Variants in ATP2B4 observed in about 807,000 individuals in gnomAD.
ATP2B4 encodes plasma membrane calcium-transporting ATPase 4.
In ATP2B4, 39 loss-of-function variants were observed where a neutral mutation model predicts 110.3. The ratio of observed to expected loss-of-function variants is 0.35; its 90% CI spans 0.27 to 0.46. The LOEUF (loss-of-function observed/expected upper bound fraction) is 0.46, where lower values mean the gene tolerates loss of function less well. Among genes scored for constraint, ATP2B4 ranks in the 20% least tolerant of loss-of-function variants. ATP2B4 has a pLI of 1.00. For synonymous variants in ATP2B4, 538 were observed against 571.7 expected (o/e 0.94, Z 0.84); for missense variants, 1,135 against 1,530.9 (o/e 0.74, Z 4.32).
At chr1:203,661,464 T>C (rs1034006712) in intron 1 of ATP2B4, among the ~76,000 whole-genome samples, 8 of 152,182 alleles carry the variant, frequency 5.3e-5, no homozygotes, top group South Asian at 2.1e-4. Context: ...GGAGACTTAG[T>C]TCCCCATCTT....
chr1:203,668,144 TC>T (rs1053018278), intron 1 of ATP2B4, among the ~76,000 whole-genome samples: 1 of 152,168 alleles, frequency 6.6e-6, no homozygotes, highest in Non-Finnish European at 1.5e-5. Flanking sequence ...ATATGTCTAT[TC>T]CCCACCATGC....
At chr1:203,661,123 A>AG (rs896923225) in intron 1 of ATP2B4, among the ~76,000 whole-genome samples, 4 of 151,836 alleles carry the variant, frequency 2.6e-5, no homozygotes, top group Admixed American at 6.6e-5. Flanking sequence ...AAAAAAAAAA[A>AG]CTTTCCCAAG....
chr1:203,714,377 C>T (rs1666100524), intron 15 of ATP2B4, 100 bp downstream of exon 15: 1 of 1,263,788 alleles, frequency 7.9e-7, no homozygotes, highest in African/African-American at 1.5e-5. Flanking sequence ...CCTGCATAGC[C>T]CATGGGGTGC....
rs1251764606 is a variant in ATP2B4, at chr1:203,698,317, C to T, written c.354C>T (p.Val118=). Residue 118 remains valine (V), a synonymous_variant, in exon 3 of 21, where the codon GTC becomes GTT. Transcript: ENST00000357681. ...ILEIAAIISL[V]LSFYRPAGEE... Reference sequence around the variant, plus strand: ...AGATTGCAGCCATCATCTCCCTGGTCCTGTCCTTTTATCGCCCTGCTGGTG... The same window carrying T: ...AGATTGCAGCCATCATCTCCCTGGTTCTGTCCTTTTATCGCCCTGCTGGTG... The T allele has an allele frequency of 1.9e-6, 3 of 1,614,132 alleles. No individual in the cohort carries two copies. Among genetic ancestry groups the T allele is most frequent in the Non-Finnish European group, 2.5e-6 (3 of 1,180,020 alleles).
At chr1:203,724,865 C>CTCTTTTTTTTTTTTTTTTTT (rs1214526316) in intron 19 of ATP2B4, among the ~76,000 whole-genome samples, 2 of 101,454 alleles carry the variant, frequency 2.0e-5, no homozygotes, top group Non-Finnish European at 1.9e-5. Context: ...ATCCAGCTCT[C>CTCTTTTTTTTTTTTTTTTTT]TGTTTTTTTT....
rs1272021238 is a variant in ATP2B4, at chr1:203,740,512, C to T, written c.*658C>T. 1 of 149,314 alleles carries T rather than the reference C, an allele frequency of 6.7e-6. No homozygotes were observed. Among genetic ancestry groups the T allele is most frequent in the African/African-American group, 2.5e-5 (1 of 40,390 alleles). 9.2% of individuals were successfully genotyped at this position (149,314 alleles called of 1,614,324 possible). ...TGGATGAATTGTGTAAACTTAGATC[C>T]TTCTCCCTTTTGGCCCAAAAGAACC... On this transcript the variant is annotated 3_prime_UTR_variant, in exon 21 of 21. Transcript: ENST00000357681.
At chr1:203,711,236 T>C (rs1666000711) in intron 12 of ATP2B4, 128 bp downstream of exon 12, 6 of 799,810 alleles carry the variant, frequency 7.5e-6, no homozygotes, top group Non-Finnish European at 1.2e-5. Context: ...TGCTTCCTGC[T>C]TCACAGGACT....
At chr1:203,637,833 G>A (rs1203864926) in intron 1 of ATP2B4, among the ~76,000 whole-genome samples, 1 of 152,138 alleles carries the variant, frequency 6.6e-6, no homozygotes, top group African/African-American at 2.4e-5. Context: ...TTCCTATCTT[G>A]GGAGCTGAAG....
intron 2 of ATP2B4, among the ~76,000 whole-genome samples, chr1:203,697,209 G>A (rs1393346844): frequency 1.3e-5 from 2 of 152,172 alleles, no homozygotes; most frequent in Non-Finnish European, 2.9e-5. Context: ...TGCTTAAAGG[G>A]AATGCCCACA....
chr1:203,717,625 A>G (rs1390313576), intron 15 of ATP2B4, among the ~76,000 whole-genome samples: 1 of 86,710 alleles, frequency 1.2e-5, no homozygotes, highest in Non-Finnish European at 2.4e-5. Flanking sequence ...AATGGTATTT[A>G]TTTTATTTAT....
rs1665709511 is a variant in ATP2B4 at position 203,702,057 on chromosome 1, A to C, written c.915A>C (p.Gly305=). 6.2e-7 allele frequency: 1 copy of C among 1,614,018 alleles called. No individual in the cohort carries two copies. Among genetic ancestry groups the C allele is most frequent in the African/African-American group, 1.3e-5 (1 of 74,914 alleles). ...TTGTTCAAACAGGTAAAAAACAAGG[A>C]GTCCCTGAAAATCGCAACAAAGGTA... ...GEKKKKGKKQ[G]VPENRNKAKT... The change falls in exon 7 of 21, where the codon GGA becomes GGC. Residue 305 remains glycine, a synonymous_variant. Coordinates refer to ENST00000357681, the MANE Select transcript of ATP2B4 (RefSeq NM_001684.5).
chr1:203,711,466 G>A (rs1248936664), intron 12 of ATP2B4, among the ~76,000 whole-genome samples: 1 of 152,106 alleles, frequency 6.6e-6, no homozygotes, highest in Non-Finnish European at 1.5e-5. Context: ...GACACTAGGG[G>A]ATTGAAAAGT....
At chr1:203,667,344 G>A (rs1388122800) in intron 1 of ATP2B4, among the ~76,000 whole-genome samples, 2 of 152,186 alleles carry the variant, frequency 1.3e-5, no homozygotes, top group African/African-American at 4.8e-5. Flanking sequence ...CCTTCTACAA[G>A]TACATTAGCA....
intron 15 of ATP2B4, among the ~76,000 whole-genome samples, chr1:203,717,354 A>G (rs1666185841): frequency 6.6e-6 from 1 of 151,376 alleles, no homozygotes; most frequent in African/African-American, 2.4e-5. Context: ...CAATGAGTGG[A>G]TTTTTTTTTA....
intron 2 of ATP2B4, among the ~76,000 whole-genome samples, 173 bp downstream of exon 2, chr1:203,683,571 G>A (rs753282198): frequency 2.6e-5 from 4 of 151,654 alleles, no homozygotes; most frequent in Non-Finnish European, 4.4e-5. Flanking sequence ...ATGAAGAACT[G>A]TATCTTTCCC....
rs1296094757 is a variant in ATP2B4, at chr1:203,720,614, C to T, written c.2472C>T (p.Thr824=). The change falls in exon 16 of 21, where the codon ACC becomes ACT. Residue 824 remains threonine, a synonymous_variant. Coordinates refer to ENST00000357681, the MANE Select transcript of ATP2B4 (RefSeq NM_001684.5). ...TCATCCTAACAGATGACAACTTCAC[C>T]AGCATTGTGAAGGCAGTGATGTGGG... ...SDIILTDDNF[T]SIVKAVMWGR... 3.1e-6 allele frequency: 5 copies of T among 1,613,996 alleles called. No homozygotes were observed. The highest frequency in any genetic ancestry group is 4.2e-6 in the Non-Finnish European group (5 of 1,179,888).
chr1:203,710,798 G>T, intron 11 of ATP2B4, 79 bp from the exon 12 acceptor site: 5 of 1,150,870 alleles, frequency 4.3e-6, no homozygotes, highest in South Asian at 2.8e-5. Context: ...ATACAGAGTT[G>T]CCAAAATACC....
Position 203,727,398 on chromosome 1 carries a change from A to G in ATP2B4, c.3136A>G (p.Ile1046Val), listed in dbSNP as rs1666556580. 6.2e-7 allele frequency: 1 copy of G among 1,613,824 alleles called. No individual in the cohort carries two copies. The highest frequency in any genetic ancestry group is 1.3e-5 in the African/African-American group (1 of 74,994). Residue 1046 changes from isoleucine (I) to valine (V), a missense_variant, in exon 20 of 21, where the codon ATC becomes GTC. Coordinates refer to ENST00000357681, the MANE Select transcript of ATP2B4 (RefSeq NM_001684.5). ...GIGELLWGQF[I>V]SAIPTRSLKF... The stretch of plus-strand genomic sequence containing the variant: ...TCTTCGCTGCGCTTGTTTTCAGTTC[A>G]TCTCCGCAATACCTACCCGATCCCT...
At chr1:203,660,985 C>A (rs1664322304) in intron 1 of ATP2B4, among the ~76,000 whole-genome samples, 1 of 151,738 alleles carries the variant, frequency 6.6e-6, no homozygotes, top group Non-Finnish European at 1.5e-5. Context: ...TGGGGTGGCC[C>A]TCTAGTTCCA....
Sources: allele counts gnomAD v4.1 joint callset (sites outside exome capture counted in the v4.1 genomes callset), GRCh38; gene constraint gnomAD v4.1.1; transcripts MANE v1.5; gene names NCBI Gene and HGNC (gene_info 2026-07-23, HGNC 2026-07-21).